The following RFX3 variants were observed in gnomAD, a reference collection of about 807,000 sequenced individuals.
RFX3 encodes transcription factor RFX3.
Under a neutral mutation model 98.6 loss-of-function variants are expected in RFX3, and 14 were observed. The observed-to-expected ratio is 0.14, with a 90% CI of 0.09 to 0.22. The LOEUF is 0.22. RFX3 is among the 10% of genes least tolerant of loss of function. The pLI is 1.00. For missense variants in RFX3, 639 were observed against 926.9 expected, an observed-to-expected ratio of 0.69 and a Z score of 4.03; for synonymous variants, 383 against 328.4, an observed-to-expected ratio of 1.17 and a Z score of -1.80.
chr9:3,349,545 T>C (rs990791653), intron 2 of RFX3, among the ~76,000 whole-genome samples: 9 of 152,078 alleles, frequency 5.9e-5, no homozygotes, highest in African/African-American at 2.2e-4. Flanking sequence ...CAGATGACCC[T>C]CCTTTCACCC....
intron 3 of RFX3, among the ~76,000 whole-genome samples, chr9:3,337,855 G>A (rs145709490): frequency 6.6e-6 from 1 of 152,164 alleles, no homozygotes; most frequent in Non-Finnish European, 1.5e-5. Context: ...GCCTTAAACA[G>A]TTTCAAATTA....
At chr9:3,424,010 G>A (rs763905421) in intron 1 of RFX3, among the ~76,000 whole-genome samples, 58 of 151,386 alleles carry the variant, frequency 3.8e-4, no homozygotes, top group Non-Finnish European at 7.2e-4. Flanking sequence ...AGCCGGGCGT[G>A]GTGGCAGGTG....
chr9:3,427,255 TAA>T (rs1317062827), intron 1 of RFX3, among the ~76,000 whole-genome samples: 10 of 144,060 alleles, frequency 6.9e-5, no homozygotes, highest in African/African-American at 2.3e-4. Context: ...AATATATATA[TAA>T]TACTATATAT....
intron 1 of RFX3, among the ~76,000 whole-genome samples, chr9:3,402,445 G>T (rs1011888688): frequency 6.6e-6 from 1 of 152,002 alleles, no homozygotes; most frequent in Non-Finnish European, 1.5e-5. Flanking sequence ...AAATTATTAT[G>T]ATAGTTACTT....
intron 1 of RFX3, among the ~76,000 whole-genome samples, chr9:3,461,038 C>T (rs1022247976): frequency 6.6e-6 from 1 of 150,990 alleles, no homozygotes; most frequent in Admixed American, 6.6e-5. Flanking sequence ...TAACATTCAT[C>T]GCTGAGATTT....
At chr9:3,305,508 T>C (rs371557265) in intron 4 of RFX3, among the ~76,000 whole-genome samples, 19 of 151,896 alleles carry the variant, frequency 1.3e-4, no homozygotes, top group East Asian at 5.8e-4. Flanking sequence ...GAATATATCA[T>C]GACAACGGTG....
At chr9:3,499,861 ATTTT>A (rs778604114) in intron 1 of RFX3, among the ~76,000 whole-genome samples, 5 of 151,980 alleles carry the variant, frequency 3.3e-5, no homozygotes, top group African/African-American at 4.8e-5. Context: ...TGGAAAGTTA[ATTTT>A]TTTTAAGTGA....
intron 16 of RFX3, among the ~76,000 whole-genome samples, chr9:3,226,516 C>T (rs1469252228): frequency 6.6e-6 from 1 of 152,178 alleles, no homozygotes; most frequent in Non-Finnish European, 1.5e-5. Context: ...GATTAACATG[C>T]ATTACCTAGA....
intron 2 of RFX3, among the ~76,000 whole-genome samples, chr9:3,386,215 G>C (rs752792639): frequency 1.3e-5 from 2 of 152,088 alleles, no homozygotes; most frequent in Non-Finnish European, 2.9e-5. Flanking sequence ...CAAAGAGAAA[G>C]TGGCCAAAAG....
At chr9:3,392,842 A>G (rs1174430343) in intron 2 of RFX3, among the ~76,000 whole-genome samples, 1 of 152,158 alleles carries the variant, frequency 6.6e-6, no homozygotes, top group African/African-American at 2.4e-5. Context: ...AGAAAAATAA[A>G]TGAGTTTTAC....
At chr9:3,468,682 GCTTT>G (rs1480562787) in intron 1 of RFX3, among the ~76,000 whole-genome samples, 2 of 151,928 alleles carry the variant, frequency 1.3e-5, no homozygotes, top group African/African-American at 4.8e-5. Flanking sequence ...AGCTCCATTT[GCTTT>G]CTTTGTTAAG....
intron 1 of RFX3, among the ~76,000 whole-genome samples, chr9:3,408,987 C>T (rs1842232507): frequency 1.3e-5 from 2 of 152,214 alleles, no homozygotes; most frequent in South Asian, 2.1e-4. Flanking sequence ...TTGTTAACAG[C>T]TACTTGTACT....
intron 1 of RFX3, among the ~76,000 whole-genome samples, chr9:3,432,692 G>C (rs1844759913): frequency 1.3e-5 from 2 of 152,186 alleles, no homozygotes; most frequent in South Asian, 4.1e-4. Flanking sequence ...AATTCCTTGA[G>C]TGCATCCAAA....
chr9:3,402,657 A>G (rs1210306765), intron 1 of RFX3, among the ~76,000 whole-genome samples: 2 of 151,642 alleles, frequency 1.3e-5, no homozygotes, highest in African/African-American at 4.8e-5. Context: ...CAGCATTTAT[A>G]TTTATATATA....
intron 1 of RFX3, among the ~76,000 whole-genome samples, chr9:3,522,400 T>C (rs1818806632): frequency 6.6e-6 from 1 of 152,200 alleles, no homozygotes; most frequent in Non-Finnish European, 1.5e-5. Context: ...TAGAGGATTT[T>C]TAGCCAAAGG....
chr9:3,312,600 G>A (rs1370081155), intron 4 of RFX3, among the ~76,000 whole-genome samples: 2 of 151,710 alleles, frequency 1.3e-5, no homozygotes, highest in East Asian at 3.9e-4. Flanking sequence ...CAGGGGGATT[G>A]AGGTTCCAAG....
chr9:3,383,597 A>C (rs1839415664), intron 2 of RFX3, among the ~76,000 whole-genome samples: 1 of 152,180 alleles, frequency 6.6e-6, no homozygotes, highest in Admixed American at 6.6e-5. Context: ...ATTAGACTTA[A>C]GACTTAGCAC....
At chr9:3,276,747 T>G (rs185650538) in intron 8 of RFX3, among the ~76,000 whole-genome samples, 3 of 152,184 alleles carry the variant, frequency 2.0e-5, no homozygotes, top group African/African-American at 7.2e-5. Context: ...AAAATATGCA[T>G]GTTCATCTCT....
At chr9:3,401,520 T>C (rs1433962948) in intron 1 of RFX3, among the ~76,000 whole-genome samples, 1 of 152,244 alleles carries the variant, frequency 6.6e-6, no homozygotes, top group African/African-American at 2.4e-5. Context: ...CTTCACAGCC[T>C]TCTTTCAAGT....
Sources: gnomAD v4.1 joint callset for allele counts (sites outside exome capture counted in the v4.1 genomes callset) on GRCh38, gnomAD v4.1.1 for gene constraint, MANE v1.5 for transcripts, NCBI Gene and HGNC (gene_info 2026-07-23, HGNC 2026-07-21) for gene names.